MUC5AC: variants seen among roughly 807,000 people sequenced by gnomAD.
MUC5AC encodes the protein mucin-5AC.
In MUC5AC, 158 loss-of-function variants were observed where a neutral mutation model predicts 169.7. The ratio of observed to expected loss-of-function variants is 0.93; its 90% confidence interval spans 0.82 to 1.06. The LOEUF is 1.06. Ranked by LOEUF, MUC5AC falls within the 50% of genes least tolerant of loss-of-function variation. The pLI is 0.00. For synonymous variants in MUC5AC, 1,975 were observed against 1,237.0 expected, an observed-to-expected ratio of 1.60 and a Z score of -12.52; for missense variants, 4,359 against 3,089.9, an observed-to-expected ratio of 1.41 and a Z score of -9.74.
intron 19 of MUC5AC, among the ~76,000 whole-genome samples, chr11:1,175,549 GCA>G (rs1376594092): frequency 9.6e-5 from 12 of 125,436 alleles, no homozygotes; most frequent in Non-Finnish European, 5.1e-5. Flanking sequence ...ACCCATTCAT[GCA>G]CACACTCACA....
In MUC5AC at chr11:1,186,877, C is replaced by G. The variant is rs1281375479; in HGVS notation, c.8732C>G (p.Ala2911Gly). The G allele has an allele frequency of 3.8e-5, 27 of 717,388 alleles. No homozygotes were observed. Among genetic ancestry groups the G allele is most frequent in the Admixed American group, 2.5e-4 (13 of 51,514 alleles). The allele number at this position is 717,388 out of a possible 1,614,324, so 44.4% of individuals were successfully genotyped here. ...GCTCCTACAACCAGCACAACCTCTGCCCCTACAACCAGCACAACCTCTGCC... is the reference window on the plus strand; with the variant it reads ...GCTCCTACAACCAGCACAACCTCTGGCCCTACAACCAGCACAACCTCTGCC... ...TSAPTTSTTS[A>G]PTTSTTSAPT... Residue 2911 changes from alanine to glycine, a missense_variant, in exon 31 of 49, where the codon GCC becomes GGC. Coordinates refer to ENST00000621226, the MANE Select transcript of MUC5AC (RefSeq NM_001304359.2).
At position 1,184,774 on chromosome 11, in the gene MUC5AC, G is replaced by A. The variant is rs1423454411; in HGVS notation, c.6629G>A (p.Arg2210His). 19 of 650,510 alleles carry A rather than the reference G, an allele frequency of 2.9e-5. No individual in the cohort carries two copies. The highest frequency in any genetic ancestry group is 4.9e-5 in the Admixed American group (2 of 40,902). 40.3% of individuals were successfully genotyped at this position (650,510 alleles called of 1,614,324 possible). The change falls in exon 31 of 49, where the codon CGT becomes CAT. Residue 2210 changes from arginine (R) to histidine (H), a missense_variant. By Grantham distance (29) the Arg-to-His change is conservative. Transcript: ENST00000621226. ...AAGATGTGCCTCAACTACGAGGTGC[G>A]TGTGCTCTGCTGCGAGACCCCCAAA... is the stretch of plus-strand genomic sequence containing the variant. ...PFKMCLNYEV[R>H]VLCCETPKGC...
In MUC5AC at chr11:1,186,575, C is replaced by T; in HGVS notation, c.8430C>T (p.Ser2810=). 5.7e-6 allele frequency: 4 copies of T among 705,658 alleles called. No homozygotes were observed. Among genetic ancestry groups the T allele is most frequent in the Non-Finnish European group, 1.0e-5 (4 of 386,742 alleles). 43.7% of individuals were successfully genotyped at this position (705,658 alleles called of 1,614,324 possible). A position where few individuals can be genotyped will look rare whatever the true frequency, so the allele number is the denominator to read the frequency against. ...TITSTTSAPI[S]STTSTPQTST... ...CCAGCACAACTTCTGCCCCTATAAGCAGCACAACTTCCACACCACAGACCA... is the reference window on the plus strand; with the variant it reads ...CCAGCACAACTTCTGCCCCTATAAGTAGCACAACTTCCACACCACAGACCA... Residue 2810 remains serine (S), a synonymous_variant, in exon 31 of 49, where the codon AGC becomes AGT. Transcript: ENST00000621226.
In MUC5AC at chr11:1,175,732, G is replaced by T. The variant is rs1860661350; in HGVS notation, c.2402-419G>T. On this transcript the variant is annotated intron_variant, in intron 19 of 48. Transcript: ENST00000621226. ...TGCACACGCTCACACACCCACTCATGCACACACACCGTCATGCACCCACAC... is the reference window on the plus strand; with the variant it reads ...TGCACACGCTCACACACCCACTCATTCACACACACCGTCATGCACCCACAC... Among the ~76,000 whole-genome samples, 3 of 110,246 alleles carry T rather than the reference G, an allele frequency of 2.7e-5. No homozygotes were observed. In the Admixed American group the frequency reaches 3.1e-4, roughly 11 times the overall value. 72.3% of individuals were successfully genotyped at this position (110,246 alleles called of 152,430 possible).
Position 1,197,585 on chromosome 11 carries a change from G to A in MUC5AC, c.15979G>A (p.Val5327Met), listed in dbSNP as rs748033250. The A allele has an allele frequency of 1.4e-5, 10 of 723,550 alleles. No homozygotes were observed. The highest frequency in any genetic ancestry group is 4.4e-5 in the South Asian group (3 of 68,938). 44.8% of individuals were successfully genotyped at this position (723,550 alleles called of 1,614,324 possible). A position where few individuals can be genotyped will look rare whatever the true frequency, so the allele number is the denominator to read the frequency against. Reference sequence around the variant, plus strand: ...CCCTGCCTGCCCCCTGCCCGGCTTCGTGCCTGTGCCTGCAGCCCCACAGGC... The same window carrying A: ...CCCTGCCTGCCCCCTGCCCGGCTTCATGCCTGTGCCTGCAGCCCCACAGGC... The part of the protein sequence containing the change: ...LPPACPLPGF[V>M]PVPAAPQAGQ... Residue 5327 changes from valine (V) to methionine (M), a missense_variant, in exon 41 of 49, where the codon GTG (valine) becomes ATG (methionine). Transcript: ENST00000621226.
Position 1,165,683 on chromosome 11 carries a change from C to T in MUC5AC, c.1309C>T (p.Leu437Phe). ...TCCATGCCCGGGTACCTGCTCTGTG[C>T]TTGGAGGTGCCCACTTCTCAACGTT... ...EVPCPGTCSV[L>F]GGAHFSTFDG... Residue 437 changes from leucine (L) to phenylalanine (F), a missense_variant, in exon 11 of 49, where the codon CTT becomes TTT. Physicochemically the swap from Leu to Phe is conservative, Grantham distance 22 (BLOSUM62 0). Transcript: ENST00000621226. The T allele has an allele frequency of 6.2e-7, 1 of 1,612,510 alleles. No individual in the cohort carries two copies. Among genetic ancestry groups the T allele is most frequent in the Non-Finnish European group, 8.5e-7 (1 of 1,179,770 alleles).
intron 1 of MUC5AC, among the ~76,000 whole-genome samples, chr11:1,159,050 T>C (rs28645549): frequency 0.69 from 104,687 of 151,320 alleles, 38,090 homozygotes; most frequent in Non-Finnish European, 0.81. Flanking sequence ...TGCGGGGGCT[T>C]AGAAGGTGGG....
At chr11:1,179,271 G>A (rs1860756053) in intron 26 of MUC5AC, 23 bp downstream of exon 26, 1 of 520,492 alleles carries the variant, frequency 1.9e-6, no homozygotes, top group Non-Finnish European at 3.5e-6. Context: ...GGGCACCTGG[G>A]GAAGAACAGG....
At position 1,185,458 on chromosome 11, in the gene MUC5AC, C is replaced by T. The variant is rs1435331129; in HGVS notation, c.7313C>T (p.Ser2438Leu). The T allele has an allele frequency of 5.3e-5, 39 of 729,036 alleles. No individual in the cohort carries two copies. Among genetic ancestry groups the T allele is most frequent in the Non-Finnish European group, 7.3e-5 (29 of 399,766 alleles). The allele number at this position is 729,036 out of a possible 1,614,324, so 45.2% of individuals were successfully genotyped here. ...TCCAGTCCACAGACCAGCACAACCT[C>T]GGCTCCTACAACCAGCACAACTTCT... is the stretch of plus-strand genomic sequence containing the variant. ...TTSSPQTSTTSAPTTSTTSGP... is the reference protein window; with the variant it reads ...TTSSPQTSTTLAPTTSTTSGP... The change falls in exon 31 of 49, where the codon TCG becomes TTG. Residue 2438 changes from serine to leucine, a missense_variant. Coordinates refer to ENST00000621226, the MANE Select transcript of MUC5AC (RefSeq NM_001304359.2).
chr11:1,185,752 C>G lies in MUC5AC; in HGVS notation c.7607C>G (p.Pro2536Arg). Residue 2536 changes from proline (P) to arginine (R), a missense_variant, in exon 31 of 49, where the codon CCC becomes CGC. By Grantham distance (103) the Pro-to-Arg change is moderately radical. Transcript: ENST00000621226. ...GCTGGAACTACTCCCAGCCCTGTTC[C>G]CACCACCAGCACAACCTCTGCTCCT... ...SGAGTTPSPV[P>R]TTSTTSAPTT... The G allele has an allele frequency of 1.4e-6, 1 of 738,750 alleles. No homozygotes were observed. Among genetic ancestry groups the G allele is most frequent in the Admixed American group, 1.8e-5 (1 of 56,356 alleles). 45.8% of individuals were successfully genotyped at this position (738,750 alleles called of 1,614,324 possible).
rs56412707 is a variant in MUC5AC, at chr11:1,196,263, G to A, written c.15638-125G>A. ...GCGGGGCACTGGGGTGTGGGAGGCC[G>A]TAGCCAGGCCCAGGCCCACAGGTGG... On this transcript the variant is annotated intron_variant, in intron 37 of 48. Transcript: ENST00000621226. 1.0e-3 allele frequency: 702 copies of A among 679,596 alleles called. 11 individuals are homozygous for A. The African/African-American group carries it at 0.011, about 11-fold the overall frequency. 42.1% of individuals were successfully genotyped at this position (679,596 alleles called of 1,614,324 possible). A position where few individuals can be genotyped will look rare whatever the true frequency, so the allele number is the denominator to read the frequency against.
intron 16 of MUC5AC, 60 bp from the exon 17 acceptor site, chr11:1,174,436 T>TG: frequency 3.7e-6 from 4 of 1,076,628 alleles, no homozygotes; most frequent in Admixed American, 2.2e-5. Flanking sequence ...CTGCAGGGCG[T>TG]GGGGGGCCAC....
Position 1,163,165 on chromosome 11 carries a change from C to T in MUC5AC, c.679+120C>T, listed in dbSNP as rs1860195564. The T allele has an allele frequency of 2.9e-5, 27 of 939,556 alleles. No homozygotes were observed. In the South Asian group the frequency reaches 3.3e-4, roughly 11 times the overall value. The allele number at this position is 939,556 out of a possible 1,614,324, so 58.2% of individuals were successfully genotyped here. On this transcript the variant is annotated intron_variant, in intron 6 of 48. Transcript: ENST00000621226. ...ATGCACAGATACACGGATGCAGCTG[C>T]CCTCCCTCCTAGCACAGCACACACG...
intron 37 of MUC5AC, 139 bp from the exon 38 acceptor site, chr11:1,196,249 G>A: frequency 3.0e-6 from 2 of 663,904 alleles, no homozygotes; most frequent in Non-Finnish European, 5.4e-6. Flanking sequence ...CGGGGCACTG[G>A]GGTGTGGGAG....
chr11:1,193,117 G>A (rs896166563), intron 32 of MUC5AC, 135 bp downstream of exon 32: 1 of 595,972 alleles, frequency 1.7e-6, no homozygotes, highest in East Asian at 2.8e-5. Context: ...GCCGTCAGGA[G>A]AGGGCCATGC....
chr11:1,195,083 A>G lies in MUC5AC; in HGVS notation c.15262A>G (p.Met5088Val), dbSNP rs746698812. Residue 5088 changes from methionine (M) to valine (V), a missense_variant, in exon 36 of 49, where the codon ATG (methionine) becomes GTG (valine). Met to Val is a conservative substitution (Grantham distance 21, BLOSUM62 1). Coordinates refer to ENST00000621226, the MANE Select transcript of MUC5AC (RefSeq NM_001304359.2). ...GACGGTGGTCGCTTCCTGCTCCGAG[A>G]TGTCCGGCCTCTGGAACGTGAGCAT... ...RGTVVASCSE[M>V]SGLWNVSIPD... 1.3e-6 allele frequency: 1 copy of G among 760,632 alleles called. No homozygotes were observed. Among genetic ancestry groups the G allele is most frequent in the Non-Finnish European group, 2.4e-6 (1 of 416,190 alleles). The allele number at this position is 760,632 out of a possible 1,614,324, so 47.1% of individuals were successfully genotyped here. A position where few individuals can be genotyped will look rare whatever the true frequency, so the allele number is the denominator to read the frequency against.
intron 25 of MUC5AC, 138 bp downstream of exon 25, chr11:1,178,821 G>A: frequency 2.2e-6 from 1 of 450,452 alleles, no homozygotes; most frequent in Non-Finnish European, 3.7e-6. Flanking sequence ...GCGCTGGTAT[G>A]GACTCGCCTA....
Position 1,178,695 on chromosome 11 carries a change from G to A in MUC5AC, c.3327+12G>A. On this transcript the variant is annotated intron_variant, in intron 25 of 48. Transcript: ENST00000621226. ...CCTGCCACGCACACGTATGCTGGCCGGGGGGCGTTTCTCTGGGCCCAAGGG... is the reference window on the plus strand; with the variant it reads ...CCTGCCACGCACACGTATGCTGGCCAGGGGGCGTTTCTCTGGGCCCAAGGG... The A allele has an allele frequency of 1.6e-5, 20 of 1,254,452 alleles. No individual in the cohort carries two copies. Among genetic ancestry groups the A allele is most frequent in the South Asian group, 2.9e-5 (1 of 34,308 alleles). 77.7% of individuals were successfully genotyped at this position (1,254,452 alleles called of 1,614,324 possible).
At chr11:1,175,569 ACATGCT>A (rs1564911173) in intron 19 of MUC5AC, among the ~76,000 whole-genome samples, 1 of 144,328 alleles carries the variant, frequency 6.9e-6, no homozygotes, top group Non-Finnish European at 1.5e-5. Flanking sequence ...ACACTCATGC[ACATGCT>A]CACACACCCA....
Sources: allele counts gnomAD v4.1 joint callset (sites outside exome capture counted in the v4.1 genomes callset), GRCh38; gene constraint gnomAD v4.1.1; transcripts MANE v1.5; gene names NCBI Gene and HGNC (gene_info 2026-07-23, HGNC 2026-07-21).